The following RPS6KA6 variants were observed in gnomAD, a reference collection of about 807,000 sequenced individuals.
RPS6KA6 encodes the protein ribosomal protein S6 kinase A6.
In RPS6KA6, 27 loss-of-function variants were observed where a neutral mutation model predicts 65.4. The observed-to-expected ratio is 0.41, with a 90% CI of 0.30 to 0.57. The LOEUF is 0.57. Among genes scored for constraint, RPS6KA6 ranks in the 20% least tolerant of loss-of-function variants. RPS6KA6 has a pLI of 0.24. For missense variants in RPS6KA6, 486 were observed against 555.6 expected (o/e 0.87, Z 1.26); for synonymous variants, 190 against 184.2 (o/e 1.03, Z -0.26).
intron 4 of RPS6KA6, among the ~76,000 whole-genome samples, 169 bp downstream of exon 4, chrX:84,147,873 G>A (rs1253463079): frequency 9.0e-6 from 1 of 111,254 alleles, no homozygotes; most frequent in African/African-American, 3.3e-5. Flanking sequence ...CTAAGTTAAG[G>A]CATATGCCAA....
At chrX:84,123,664 C>T (rs1399396518) in intron 8 of RPS6KA6, among the ~76,000 whole-genome samples, 1 of 112,192 alleles carries the variant, frequency 8.9e-6, no homozygotes, top group African/African-American at 3.2e-5. Flanking sequence ...GCCAGCTTAG[C>T]TGCAGTAGAA....
At chrX:84,122,361 GTTTTTTTTTTTTTTTTTTTTTTT>G (rs35459607) in intron 8 of RPS6KA6, among the ~76,000 whole-genome samples, 1 of 43,009 alleles carries the variant, frequency 2.3e-5, no homozygotes, top group Non-Finnish European at 4.1e-5. Flanking sequence ...TTTTTTTTAA[GTTTTTTTTTTTTTTTTTTTTTTT>G]TTTGAGACAG....
In RPS6KA6 at chrX:84,111,929, A is replaced by G. The variant is rs189179687; in HGVS notation, c.1009-4204T>C. On this transcript the variant is annotated intron_variant, in intron 12 of 21. Coordinates refer to ENST00000262752, the MANE Select transcript of RPS6KA6 (RefSeq NM_014496.5). ...GACAAAAACCAACCATCTGCTGCCA[A>G]AAAGAGACCCACAGAATAGCTAAGC... is the stretch of plus-strand genomic sequence containing the variant. 1.6e-3 allele frequency among the ~76,000 whole-genome samples: 177 copies of G among 111,800 alleles called. 2 individuals are homozygous for G. The highest frequency in any genetic ancestry group is 2.8e-4 in the Non-Finnish European group (15 of 53,086).
At chrX:84,137,633 C>T (rs1248484484) in intron 6 of RPS6KA6, among the ~76,000 whole-genome samples, 1 of 111,774 alleles carries the variant, frequency 8.9e-6, no homozygotes, top group South Asian at 3.7e-4. Flanking sequence ...GGAATATACC[C>T]TGTAAAAAGC....
intron 1 of RPS6KA6, among the ~76,000 whole-genome samples, chrX:84,176,071 T>C (rs6622946): frequency 0.06 from 6,767 of 112,102 alleles, 224 homozygotes; most frequent in East Asian, 0.21. Context: ...AAACTAAGTA[T>C]GTCAATATTG....
chrX:84,144,186 T>G (rs1262714477), intron 6 of RPS6KA6, among the ~76,000 whole-genome samples: 1 of 110,905 alleles, frequency 9.0e-6, no homozygotes, highest in Non-Finnish European at 1.9e-5. Flanking sequence ...TAAATCAGAC[T>G]TCACCAAAAT....
chrX:84,091,735 T>C (rs1242736133), intron 20 of RPS6KA6, among the ~76,000 whole-genome samples: 1 of 111,947 alleles, frequency 8.9e-6, no homozygotes, highest in Non-Finnish European at 1.9e-5. Flanking sequence ...TGAAGATACA[T>C]GCACGTGTAT....
intron 20 of RPS6KA6, among the ~76,000 whole-genome samples, chrX:84,083,987 T>C (rs1349291053): frequency 3.6e-5 from 4 of 112,569 alleles, no homozygotes; most frequent in Non-Finnish European, 5.6e-5. Flanking sequence ...GTTGAGCTTT[T>C]TTACCTATAT....
intron 1 of RPS6KA6, among the ~76,000 whole-genome samples, chrX:84,173,273 G>A (rs1263456213): frequency 1.8e-5 from 2 of 111,195 alleles, no homozygotes; most frequent in Admixed American, 1.9e-4. Flanking sequence ...GGCATAGTAT[G>A]TCATGAAAAC....
intron 6 of RPS6KA6, among the ~76,000 whole-genome samples, chrX:84,137,038 C>T (rs1322861244): frequency 8.9e-6 from 1 of 111,750 alleles, no homozygotes; most frequent in Non-Finnish European, 1.9e-5. Context: ...CTTTCCAACC[C>T]ACTAATCGTC....
chrX:84,140,749 A>AC (rs2035082740), intron 6 of RPS6KA6, among the ~76,000 whole-genome samples: 1 of 103,862 alleles, frequency 9.6e-6, no homozygotes, highest in East Asian at 3.2e-4. Flanking sequence ...AAAAAAAAAA[A>AC]AAAACATACA....
In RPS6KA6 at chrX:84,150,934, T is replaced by C. The variant is rs190890307; in HGVS notation, c.259-2811A>G. Among the ~76,000 whole-genome samples, 224 of 94,079 alleles carry C rather than the reference T, an allele frequency of 2.4e-3. 1 individual carries two copies. The highest frequency in any genetic ancestry group is 8.5e-3 in the African/African-American group (219 of 25,703). 81.7% of individuals were successfully genotyped at this position (94,079 alleles called of 115,157 possible). ...AGAGAGGATATATATAGGATATATA[T>C]ATAGAGGATATATATAGGATATATA... On this transcript the variant is annotated intron_variant, in intron 3 of 21. Transcript: ENST00000262752.
chrX:84,111,548 T>TA (rs1426854922), intron 12 of RPS6KA6, among the ~76,000 whole-genome samples: 2 of 111,731 alleles, frequency 1.8e-5, no homozygotes, highest in African/African-American at 3.3e-5. Context: ...TAGCTTCCTT[T>TA]AAAAAGTGCC....
intron 20 of RPS6KA6, among the ~76,000 whole-genome samples, chrX:84,066,207 T>C (rs1280177381): frequency 4.5e-5 from 4 of 89,470 alleles, no homozygotes; most frequent in Non-Finnish European, 4.4e-5. Flanking sequence ...CTAGCTGCAG[T>C]TTTTTTTTTT....
chrX:84,156,280 C>T, intron 2 of RPS6KA6, 89 bp from the exon 3 acceptor site: 1 of 503,590 alleles, frequency 2.0e-6, no homozygotes, highest in East Asian at 3.6e-5. Context: ...AATAGAAATA[C>T]CCAACTCCCT....
At chrX:84,173,879 T>C (rs1027755377) in intron 1 of RPS6KA6, among the ~76,000 whole-genome samples, 2 of 111,870 alleles carry the variant, frequency 1.8e-5, no homozygotes, top group Non-Finnish European at 3.8e-5. Flanking sequence ...TTTAAAATTA[T>C]GATAGGATCA....
intron 20 of RPS6KA6, among the ~76,000 whole-genome samples, chrX:84,083,311 G>C (rs893554750): frequency 1.2e-4 from 13 of 112,753 alleles, no homozygotes; most frequent in Non-Finnish European, 2.3e-4. Context: ...ATGGTGGTTT[G>C]CTACACAGAT....
At position 84,072,076 on chromosome X, in the gene RPS6KA6, C is replaced by A. The variant is rs142012098; in HGVS notation, c.1972-6965G>T. 6.8e-3 allele frequency among the ~76,000 whole-genome samples: 761 copies of A among 111,479 alleles called. 3 individuals carry two copies. The highest frequency in any genetic ancestry group is 0.012 in the Non-Finnish European group (643 of 53,019). On this transcript the variant is annotated intron_variant, in intron 20 of 21. Coordinates refer to ENST00000262752, the MANE Select transcript of RPS6KA6 (RefSeq NM_014496.5). ...ATCCTGCCAAACTCATTGTATGAAG[C>A]CAGAATAACCCAACTGTTCTAACCA... is the stretch of plus-strand genomic sequence containing the variant.
rs2034861100 is a variant in RPS6KA6 at position 84,129,696 on chromosome X, T to TTATC, written c.646+5085_646+5086insGATA. ...AAAGAGTAAGAACCTGTCATCTGCA[T>TTATC]TGTGAGTGGAACTGGAGGTCACTGT... On this transcript the variant is annotated intron_variant, in intron 8 of 21. Coordinates refer to ENST00000262752, the MANE Select transcript of RPS6KA6 (RefSeq NM_014496.5). 7.2e-5 allele frequency among the ~76,000 whole-genome samples: 8 copies of TTATC among 111,526 alleles called. No individual in the cohort carries two copies. The South Asian group carries it at 3.0e-3, about 42-fold the overall frequency.
Sources: allele counts gnomAD v4.1 joint callset (sites outside exome capture counted in the v4.1 genomes callset), GRCh38; gene constraint gnomAD v4.1.1; transcripts MANE v1.5; gene names NCBI Gene and HGNC (gene_info 2026-07-23, HGNC 2026-07-21).